The following ITSN1 variants were observed in gnomAD, a reference collection of about 807,000 sequenced individuals.
ITSN1 encodes the protein intersectin 1.
ITSN1 carries 58 observed loss-of-function variants against 239.8 expected under a neutral mutation model. The observed-to-expected ratio is 0.24, with a 90% CI of 0.20 to 0.30. The LOEUF is 0.30. ITSN1 is among the 10% of genes least tolerant of loss of function. The pLI is 1.00. For synonymous variants in ITSN1, 780 were observed against 770.8 expected (o/e 1.01, Z -0.20); for missense variants, 1,558 against 2,103.3 (o/e 0.74, Z 5.07).
chr21:33,737,568 T>G (rs1042221212), intron 5 of ITSN1, among the ~76,000 whole-genome samples: 2 of 151,950 alleles, frequency 1.3e-5, no homozygotes, highest in African/African-American at 4.8e-5. Flanking sequence ...TTGTCATTGT[T>G]TTATTTATTT....
In ITSN1 at chr21:33,774,948, T is replaced by G. The variant is rs756130956; in HGVS notation, c.1456-20T>G. ...CCATTAAAAACAGTAATAATTTTTA[T>G]TATCTTTCATTTGTTCAAGAATGAT... is the stretch of plus-strand genomic sequence containing the variant. On this transcript the variant is annotated intron_variant, in intron 13 of 39. Coordinates refer to ENST00000381318, the MANE Select transcript of ITSN1 (RefSeq NM_003024.3). 6.2e-7 allele frequency: 1 copy of G among 1,604,250 alleles called. No homozygotes were observed. The highest frequency in any genetic ancestry group is 8.5e-7 in the Non-Finnish European group (1 of 1,175,754).
chr21:33,739,412 T>C (rs1309547164), intron 5 of ITSN1, among the ~76,000 whole-genome samples: 1 of 152,194 alleles, frequency 6.6e-6, no homozygotes, highest in Non-Finnish European at 1.5e-5. Context: ...ATTAAACCAG[T>C]GTTTTGTAAG....
intron 27 of ITSN1, 67 bp from the exon 28 acceptor site, chr21:33,834,240 T>A: frequency 8.7e-7 from 1 of 1,152,306 alleles, no homozygotes; most frequent in Non-Finnish European, 1.3e-6. Context: ...AGTGCTCTGT[T>A]ATAAAGTGAG....
intron 4 of ITSN1, among the ~76,000 whole-genome samples, chr21:33,724,504 C>T (rs1485215374): frequency 6.6e-6 from 1 of 152,234 alleles, no homozygotes; most frequent in Non-Finnish European, 1.5e-5. Flanking sequence ...GATCATGTCT[C>T]ATACCATCAG....
intron 9 of ITSN1, among the ~76,000 whole-genome samples, chr21:33,762,555 A>G (rs1251556526): frequency 6.6e-6 from 1 of 152,056 alleles, no homozygotes. Context: ...GTGAGCCACC[A>G]TGCCCAGCCT....
chr21:33,776,646 A>G (rs1447320292), intron 14 of ITSN1, among the ~76,000 whole-genome samples: 1 of 151,900 alleles, frequency 6.6e-6, no homozygotes, highest in Admixed American at 6.6e-5. Flanking sequence ...TTTAATTTGT[A>G]TTTCCCTGAA....
At chr21:33,824,660 G>A (rs2073882078) in intron 25 of ITSN1, among the ~76,000 whole-genome samples, 1 of 152,222 alleles carries the variant, frequency 6.6e-6, no homozygotes, top group African/African-American at 2.4e-5. Context: ...GCTGCTCTGG[G>A]AGCGAGGCTG....
intron 22 of ITSN1, chr21:33,817,162 C>G: frequency 8.2e-7 from 1 of 1,214,460 alleles, no homozygotes; most frequent in Non-Finnish European, 1.1e-6. Flanking sequence ...TTACTAAATG[C>G]TTTAAGATAC....
chr21:33,711,074 C>T (rs578066267), intron 1 of ITSN1, among the ~76,000 whole-genome samples: 23 of 151,992 alleles, frequency 1.5e-4, no homozygotes, highest in Non-Finnish European at 8.8e-5. Flanking sequence ...CGCGCCTGGC[C>T]GGGGAAGGTT....
At chr21:33,799,774 T>C (rs749083348) in intron 18 of ITSN1, 34 bp from the exon 19 acceptor site, 3 of 1,611,480 alleles carry the variant, frequency 1.9e-6, no homozygotes, top group East Asian at 4.5e-5. Context: ...TGTAATTATT[T>C]ATTTTTGTCC....
At chr21:33,780,308 A>C (rs1225503689) in intron 14 of ITSN1, among the ~76,000 whole-genome samples, 1 of 152,244 alleles carries the variant, frequency 6.6e-6, no homozygotes, top group Non-Finnish European at 1.5e-5. Flanking sequence ...CAAGATTCCC[A>C]AAAATGTAAT....
At chr21:33,676,461 C>G (rs1042108442) in intron 1 of ITSN1, among the ~76,000 whole-genome samples, 24 of 152,268 alleles carry the variant, frequency 1.6e-4, no homozygotes, top group African/African-American at 5.8e-4. Context: ...CTCCTGGGCT[C>G]AAGCAAACCT....
At chr21:33,807,153 G>A (rs1197054547) in intron 20 of ITSN1, among the ~76,000 whole-genome samples, 1 of 152,168 alleles carries the variant, frequency 6.6e-6, no homozygotes, top group East Asian at 1.9e-4. Context: ...TTGCTTAAAA[G>A]TGAAATGCTG....
At chr21:33,838,772 C>T (rs992097752) in intron 29 of ITSN1, among the ~76,000 whole-genome samples, 1 of 152,210 alleles carries the variant, frequency 6.6e-6, no homozygotes, top group Non-Finnish European at 1.5e-5. Flanking sequence ...GCAGTTCAGT[C>T]TCACCGGGCT....
At chr21:33,829,055 G>A in intron 26 of ITSN1, 1 of 465,290 alleles carries the variant, frequency 2.1e-6, no homozygotes, top group Non-Finnish European at 4.4e-6. Context: ...CAAAATGTGA[G>A]CCATAAAGAA....
At chr21:33,766,535 C>T (rs867513405) in intron 10 of ITSN1, among the ~76,000 whole-genome samples, 1 of 152,208 alleles carries the variant, frequency 6.6e-6, no homozygotes, top group South Asian at 2.1e-4. Flanking sequence ...TGCATGCACA[C>T]GCTGTCCAGG....
At chr21:33,754,780 A>G (rs993694272) in intron 7 of ITSN1, among the ~76,000 whole-genome samples, 7 of 152,196 alleles carry the variant, frequency 4.6e-5, no homozygotes, top group Non-Finnish European at 1.0e-4. Context: ...AAACTGTCCA[A>G]TGGGTCTGAA....
intron 33 of ITSN1, among the ~76,000 whole-genome samples, chr21:33,873,897 G>C (rs573828756): frequency 6.9e-6 from 1 of 145,792 alleles, no homozygotes; most frequent in East Asian, 2.0e-4. Context: ...GCGGTGGCTC[G>C]CGCCTGTAAT....
At chr21:33,690,787 ATACATATATATATATATATATATATATG>A (rs1447556760) in intron 1 of ITSN1, among the ~76,000 whole-genome samples, 859 of 12,836 alleles carry the variant, frequency 0.067, 151 homozygotes, top group African/African-American at 0.21. Context: ...ATATATATAT[ATACATATATATATATATATATATATATG>A]TATATATATA....
Sources: allele counts gnomAD v4.1 joint callset (sites outside exome capture counted in the v4.1 genomes callset), GRCh38; gene constraint gnomAD v4.1.1; transcripts MANE v1.5; gene names NCBI Gene and HGNC (gene_info 2026-07-23, HGNC 2026-07-21).